The following WDR45 variants were observed in gnomAD, a reference collection of about 807,000 sequenced individuals.
WDR45 encodes the protein WD repeat domain 45, also known as WD repeat domain phosphoinositide-interacting protein 4.
Under a neutral mutation model 27.3 loss-of-function variants are expected in WDR45, and 2 were observed. That is an observed-to-expected ratio of 0.07 (90% CI 0.03 to 0.23). The LOEUF is 0.23. WDR45 is among the 10% of genes least tolerant of loss of function. The probability of loss-of-function intolerance (pLI) is 1.00; values close to 1 mark genes in which losing one functional copy is unlikely to be tolerated. For missense variants in WDR45, 175 were observed against 311.9 expected (o/e 0.56, Z 3.31); for synonymous variants, 99 against 119.2 (o/e 0.83, Z 1.11).
At chrX:49,085,698 A>G (rs150286507) in intron 2 of WDR45, among the ~76,000 whole-genome samples, 1 of 112,098 alleles carries the variant, frequency 8.9e-6, no homozygotes, top group East Asian at 2.8e-4. Flanking sequence ...AAACATGGTG[A>G]AACCCTGTCT....
chrX:49,075,896 C>G lies in WDR45; in HGVS notation c.486G>C (p.Pro162=). ...PSLEKQLLVF[P]GHKCGSLQLV... ...GTTGCAGACTCCCACACTTGTGTCCCGGGAACACTAGCAGTTGCTTCTCCA... is the reference window on the plus strand; with the variant it reads ...GTTGCAGACTCCCACACTTGTGTCCGGGGAACACTAGCAGTTGCTTCTCCA... Residue 162 remains proline (P), a synonymous_variant, in exon 7 of 11, where the codon CCG becomes CCC. Coordinates refer to ENST00000376372, the MANE Select transcript of WDR45 (RefSeq NM_001029896.2). 8.3e-7 allele frequency: 1 copy of G among 1,210,316 alleles called. No homozygotes were observed. The highest frequency in any genetic ancestry group is 1.1e-6 in the Non-Finnish European group (1 of 895,109).
chrX:49,092,134 A>AAAG (rs1364883436), intron 2 of WDR45, among the ~76,000 whole-genome samples: 1 of 106,710 alleles, frequency 9.4e-6, no homozygotes, highest in East Asian at 2.9e-4. Context: ...AAAAAAAAAA[A>AAAG]AAAAAAAAGG....
upstream of WDR45, among the ~76,000 whole-genome samples, chrX:49,083,041 G>A (rs993840037): frequency 3.7e-4 from 41 of 111,283 alleles, no homozygotes; most frequent in Non-Finnish European, 5.9e-4. Flanking sequence ...CACCACGCCC[G>A]GCTAATTTTT....
chrX:49,089,840 G>A (rs868987432), intron 2 of WDR45, among the ~76,000 whole-genome samples: 1 of 107,498 alleles, frequency 9.3e-6, no homozygotes, highest in African/African-American at 3.4e-5. Context: ...GTACTTATAC[G>A]TGTGGTACAA....
At chrX:49,096,438 C>G (rs887048588) in intron 2 of WDR45, among the ~76,000 whole-genome samples, 6 of 111,921 alleles carry the variant, frequency 5.4e-5, no homozygotes, top group Non-Finnish European at 1.1e-4. Context: ...ACTATGTTGC[C>G]CAGGCTGGTC....
rs2065032273 is a variant in WDR45 at position 49,075,625 on chromosome X, G to C, written c.645C>G (p.Thr215=). ...ATTGTGTGTCAAAGAGGCGAATAAG[G>C]GTACCCTTCTGGGAGGCTGAGGCCA... ...TVVASASQKG[T]LIRLFDTQSK... The change falls in exon 8 of 11, where the codon ACC becomes ACG. Residue 215 remains threonine, a synonymous_variant. Coordinates refer to ENST00000376372, the MANE Select transcript of WDR45 (RefSeq NM_001029896.2). The C allele has an allele frequency of 8.3e-7, 1 of 1,209,726 alleles. No homozygotes were observed. Among genetic ancestry groups the C allele is most frequent in the Non-Finnish European group, 1.1e-6 (1 of 895,160 alleles).
Position 49,078,100 on chromosome X carries a change from C to A in WDR45, c.-5G>T. 1.7e-6 allele frequency: 2 copies of A among 1,211,306 alleles called. No homozygotes were observed. Among genetic ancestry groups the A allele is most frequent in the Non-Finnish European group, 2.2e-6 (2 of 894,878 alleles). Reference sequence around the variant, plus strand: ...TCGAAGTGGCTGTTGAGTCATGGTGCAGGATTGTTCCTCTGCATACAAATG... The same window carrying A: ...TCGAAGTGGCTGTTGAGTCATGGTGAAGGATTGTTCCTCTGCATACAAATG... On this transcript the variant is annotated 5_prime_UTR_variant, in exon 2 of 11. Coordinates refer to ENST00000376372, the MANE Select transcript of WDR45 (RefSeq NM_001029896.2).
chrX:49,077,124 G>T (rs1388415986), intron 4 of WDR45: 1 of 205,359 alleles, frequency 4.9e-6, no homozygotes, highest in African/African-American at 2.9e-5. Context: ...GAATCCTAGG[G>T]CTCTGTGACT....
chrX:49,076,623 C>T (rs782660155), intron 5 of WDR45, 22 bp downstream of exon 5: 3 of 1,205,681 alleles, frequency 2.5e-6, no homozygotes, highest in Non-Finnish European at 3.4e-6. Context: ...CTACCTCCCA[C>T]CCCGGTCCTC....
At chrX:49,080,075 G>A (rs1376733615), upstream of WDR45, 1 of 113,090 alleles carries the variant, frequency 8.8e-6, no homozygotes, top group East Asian at 2.8e-4. Context: ...GGCGAAGGGG[G>A]TTCCTCAAGG....
At chrX:49,080,549 T>A (rs2065061977), upstream of WDR45, among the ~76,000 whole-genome samples, 1 of 111,298 alleles carries the variant, frequency 9.0e-6, no homozygotes, top group South Asian at 3.8e-4. Context: ...TTCAAACGGT[T>A]ATCCTGCCTC....
chrX:49,100,925 G>C (rs1344696810), intron 1 of WDR45: 4 of 112,707 alleles, frequency 3.5e-5, no homozygotes, highest in Non-Finnish European at 5.6e-5. Context: ...AGTGAGAAAC[G>C]GGACAGTAAA....
At chrX:49,087,320 T>C (rs2065089862) in intron 2 of WDR45, among the ~76,000 whole-genome samples, 2 of 109,577 alleles carry the variant, frequency 1.8e-5, no homozygotes, top group African/African-American at 6.6e-5. Context: ...ATCGCACCAT[T>C]GCACTCCAGC....
rs781845361 is a variant in WDR45 at position 49,074,925 on chromosome X, G to A, written c.974-13C>T. On this transcript the variant is annotated splice_polypyrimidine_tract_variant and intron_variant, in intron 10 of 10. Transcript: ENST00000376372. ...TCTACGCAGATGGCTGGGGGAGGGG[G>A]GGTGGTAAAAGGTCAGAGGCTGCCA... 2 of 1,186,734 alleles carry A rather than the reference G, an allele frequency of 1.7e-6. No homozygotes were observed. The highest frequency in any genetic ancestry group is 2.2e-5 in the Admixed American group (1 of 46,042).
At chrX:49,083,443 C>T (rs1206418116), upstream of WDR45, among the ~76,000 whole-genome samples, 1 of 107,834 alleles carries the variant, frequency 9.3e-6, no homozygotes, top group Non-Finnish European at 1.9e-5. Context: ...TTCCTCTTCT[C>T]CTGTAGCCTT....
rs144081442 is a variant in WDR45, at chrX:49,076,468, C to T, written c.398G>A (p.Arg133Gln). Residue 133 changes from arginine (R) to glutamine (Q), a missense_variant, in exon 6 of 11, where the codon CGA (arginine) becomes CAA (glutamine). By Grantham distance (43) the Arg-to-Gln change is conservative. Around this residue, in one of 3 missense-constraint regions of WDR45, gnomAD observed 102 missense variants for 165.4 expected, o/e 0.62. Transcript: ENST00000376372. The part of the protein sequence containing the change: ...IYVYSFPDNP[R>Q]KLFEFDTRDN... ...CCGGGTATCAAACTCAAACAGCTTT[C>T]GGGGATTGTCGGGGAAGGAGTACAC... 23 of 1,210,487 alleles carry T rather than the reference C, an allele frequency of 1.9e-5. No homozygotes were observed. The highest frequency in any genetic ancestry group is 8.7e-5 in the African/African-American group (5 of 57,346).
chrX:49,078,645 C>T (rs868931096), intron 1 of WDR45, among the ~76,000 whole-genome samples: 3 of 112,283 alleles, frequency 2.7e-5, no homozygotes, highest in African/African-American at 9.7e-5. Context: ...CCCACACTGA[C>T]GTGGACCCCA....
chrX:49,085,235 A>G, intron 2 of WDR45, among the ~76,000 whole-genome samples: 1 of 112,116 alleles, frequency 8.9e-6, no homozygotes, highest in East Asian at 2.8e-4. Flanking sequence ...CAACACATGC[A>G]TATGAGGCAG....
chrX:49,092,398 G>A (rs1229673551), intron 2 of WDR45, among the ~76,000 whole-genome samples: 1 of 108,863 alleles, frequency 9.2e-6, no homozygotes, highest in Non-Finnish European at 1.9e-5. Flanking sequence ...TCTGTTTCTT[G>A]GACCAATTTT....
Sources: gnomAD v4.1 joint callset for allele counts (sites outside exome capture counted in the v4.1 genomes callset) on GRCh38, gnomAD v4.1.1 for gene constraint, gnomAD v4.1.1 regional missense constraint, MANE v1.5 for transcripts, NCBI Gene and HGNC (gene_info 2026-07-23, HGNC 2026-07-21) for gene names.